Variants in RALGAPA2 observed in about 807,000 individuals in gnomAD.
RALGAPA2 encodes Ral GTPase activating protein catalytic subunit alpha 2, also known as ral GTPase-activating protein subunit alpha-2.
RALGAPA2 carries 139 observed loss-of-function variants against 230.4 expected under a neutral mutation model. The observed-to-expected ratio is 0.60, with a 90% CI of 0.53 to 0.69. RALGAPA2 has a LOEUF of 0.69. Ranked by LOEUF, RALGAPA2 falls within the 30% of genes least tolerant of loss-of-function variation. The pLI is 0.00. For synonymous variants in RALGAPA2, 847 were observed against 837.8 expected, an observed-to-expected ratio of 1.01 and a Z score of -0.19; for missense variants, 2,163 against 2,276.0, an observed-to-expected ratio of 0.95 and a Z score of 1.01.
Position 20,410,206 on chromosome 20 carries a change from C to T in RALGAPA2, c.5617+1821G>A, listed in dbSNP as rs749893571. 6.6e-4 allele frequency among the ~76,000 whole-genome samples: 100 copies of T among 152,144 alleles called. 1 individual carries two copies. Among genetic ancestry groups the T allele is most frequent in the Non-Finnish European group, 8.1e-4 (55 of 68,026 alleles). On this transcript the variant is annotated intron_variant, in intron 38 of 39. Coordinates refer to ENST00000202677, the MANE Select transcript of RALGAPA2 (RefSeq NM_020343.4). ...GAGTTCTTAAAAACTCAAATTGCTC[C>T]TAGAATCTCACTCATTTCTATTGGT...
chr20:20,572,385 G>A (rs1171178100), intron 21 of RALGAPA2, among the ~76,000 whole-genome samples: 1 of 151,222 alleles, frequency 6.6e-6, no homozygotes, highest in East Asian at 2.0e-4. Flanking sequence ...GAGGGTTGCA[G>A]TGAGCCAAGA....
At chr20:20,587,665 A>G (rs184371122) in intron 18 of RALGAPA2, among the ~76,000 whole-genome samples, 159 of 152,268 alleles carry the variant, frequency 1.0e-3, no homozygotes, top group African/African-American at 3.8e-3. Context: ...CAAAATGAAG[A>G]ACTTCTGTTC....
At chr20:20,538,435 C>G (rs992337050) in intron 24 of RALGAPA2, among the ~76,000 whole-genome samples, 1 of 152,090 alleles carries the variant, frequency 6.6e-6, no homozygotes, top group African/African-American at 2.4e-5. Context: ...AGCAGTCGTT[C>G]CCAAAGTATG....
chr20:20,492,090 G>A (rs1034985378), intron 36 of RALGAPA2, among the ~76,000 whole-genome samples: 3 of 152,164 alleles, frequency 2.0e-5, no homozygotes, highest in Admixed American at 6.5e-5. Flanking sequence ...CTGTAAGCTT[G>A]TATTACAAAT....
intron 35 of RALGAPA2, among the ~76,000 whole-genome samples, chr20:20,502,378 A>G (rs1393994926): frequency 6.6e-6 from 1 of 152,220 alleles, no homozygotes; most frequent in East Asian, 1.9e-4. Flanking sequence ...AATTAGACCA[A>G]TGGGCAATAA....
chr20:20,411,398 A>C (rs1439667674), intron 38 of RALGAPA2, among the ~76,000 whole-genome samples: 1 of 152,228 alleles, frequency 6.6e-6, no homozygotes, highest in Non-Finnish European at 1.5e-5. Context: ...ACCTAAAAAC[A>C]AGGAAATCTA....
intron 37 of RALGAPA2, among the ~76,000 whole-genome samples, chr20:20,424,289 G>A (rs1195196169): frequency 6.6e-6 from 1 of 152,032 alleles, no homozygotes; most frequent in African/African-American, 2.4e-5. Flanking sequence ...TGACACCGTC[G>A]CTCAAAGTCT....
intron 38 of RALGAPA2, among the ~76,000 whole-genome samples, chr20:20,411,292 C>A (rs1454060403): frequency 6.6e-6 from 1 of 152,104 alleles, no homozygotes; most frequent in East Asian, 1.9e-4. Flanking sequence ...AGTAATAATT[C>A]TATTATTTGA....
chr20:20,487,726 C>T (rs949161151), intron 36 of RALGAPA2, among the ~76,000 whole-genome samples: 3 of 151,848 alleles, frequency 2.0e-5, no homozygotes, highest in South Asian at 2.1e-4. Flanking sequence ...CTGGGCCACA[C>T]AGTGAAATCC....
intron 23 of RALGAPA2, among the ~76,000 whole-genome samples, chr20:20,569,399 A>C (rs1215877562): frequency 2.0e-5 from 3 of 152,192 alleles, no homozygotes; most frequent in Admixed American, 6.5e-5. Flanking sequence ...AAGCCTAAAT[A>C]ATAGGCTGAT....
At chr20:20,525,455 C>G (rs956240304) in intron 28 of RALGAPA2, among the ~76,000 whole-genome samples, 1 of 152,200 alleles carries the variant, frequency 6.6e-6, no homozygotes, top group Non-Finnish European at 1.5e-5. Flanking sequence ...TGCCTTTTAA[C>G]GTGTCTCTGA....
chr20:20,542,173 AAT>A (rs1334688035), intron 24 of RALGAPA2, among the ~76,000 whole-genome samples: 1 of 152,192 alleles, frequency 6.6e-6, no homozygotes, highest in Non-Finnish European at 1.5e-5. Flanking sequence ...CTACGAAGAG[AAT>A]AAAATACCTA....
chr20:20,474,211 G>A (rs1226304890), intron 36 of RALGAPA2, among the ~76,000 whole-genome samples: 3 of 152,186 alleles, frequency 2.0e-5, no homozygotes, highest in Admixed American at 6.5e-5. Context: ...AACATCTAAC[G>A]GAAGAACATT....
intron 10 of RALGAPA2, among the ~76,000 whole-genome samples, chr20:20,625,684 T>C (rs1022279303): frequency 6.6e-6 from 1 of 152,198 alleles, no homozygotes; most frequent in Non-Finnish European, 1.5e-5. Context: ...TTCTGTTTCA[T>C]TGTTTAAAAA....
At chr20:20,660,521 TG>T (rs1432461662) in intron 3 of RALGAPA2, among the ~76,000 whole-genome samples, 1 of 150,774 alleles carries the variant, frequency 6.6e-6, no homozygotes. Context: ...AGTACAGGCC[TG>T]TTTTTTTTTT....
chr20:20,648,956 G>A (rs919004360), intron 4 of RALGAPA2, among the ~76,000 whole-genome samples: 25 of 152,164 alleles, frequency 1.6e-4, no homozygotes, highest in Non-Finnish European at 2.8e-4. Flanking sequence ...GAAAGAGGCT[G>A]AGGTTTCAGG....
At chr20:20,594,978 C>T (rs2065408029) in intron 16 of RALGAPA2, among the ~76,000 whole-genome samples, 1 of 152,026 alleles carries the variant, frequency 6.6e-6, no homozygotes, top group Admixed American at 6.6e-5. Context: ...CCTTGGCCTC[C>T]CAAAGTATTG....
chr20:20,492,724 C>CAT (rs2062095361), intron 36 of RALGAPA2, among the ~76,000 whole-genome samples: 1 of 152,104 alleles, frequency 6.6e-6, no homozygotes, highest in Admixed American at 6.5e-5. Context: ...CCTCATTGTC[C>CAT]GTAATATCCT....
intron 35 of RALGAPA2, among the ~76,000 whole-genome samples, chr20:20,500,663 G>T (rs1373129775): frequency 2.6e-5 from 4 of 152,178 alleles, no homozygotes; most frequent in Non-Finnish European, 4.4e-5. Flanking sequence ...TGTGAATCTT[G>T]ATATCTTGAT....
Sources: gnomAD v4.1 joint callset for allele counts (sites outside exome capture counted in the v4.1 genomes callset) on GRCh38, gnomAD v4.1.1 for gene constraint, MANE v1.5 for transcripts, NCBI Gene and HGNC (gene_info 2026-07-23, HGNC 2026-07-21) for gene names.